The following TLN2 variants were observed in gnomAD, a reference collection of about 807,000 sequenced individuals.
The protein encoded by TLN2 is talin 2, also known as talin-2.
Under a neutral mutation model 294.7 loss-of-function variants are expected in TLN2, and 118 were observed. The ratio of observed to expected loss-of-function variants is 0.40; its 90% CI spans 0.34 to 0.47. The LOEUF (loss-of-function observed/expected upper bound fraction) is 0.47, where lower values mean the gene tolerates loss of function less well. TLN2 is among the 20% of genes least tolerant of loss of function. TLN2 has a pLI of 0.84. For missense variants in TLN2, 3,083 were observed against 3,282.2 expected, an observed-to-expected ratio of 0.94 and a Z score of 1.48; for synonymous variants, 1,431 against 1,304.5, an observed-to-expected ratio of 1.10 and a Z score of -2.09.
chr15:62,534,034 G>C lies in TLN2; in HGVS notation c.-237-55653G>C, dbSNP rs540913054. On this transcript the variant is annotated intron_variant, in intron 1 of 58. Coordinates refer to ENST00000636159, the MANE Select transcript of TLN2 (RefSeq NM_015059.3). ...ATGTTAGTGTGAATATCAGTCACCA[G>C]GGGTTACAATGTGGATTCTGATTCA... is the stretch of plus-strand genomic sequence containing the variant. 1.1e-4 allele frequency among the ~76,000 whole-genome samples: 16 copies of C among 151,326 alleles called. 1 individual carries two copies. The South Asian group carries it at 3.3e-3, about 31-fold the overall frequency.
Position 62,596,264 on chromosome 15 carries a change from C to CAAAAAAA in TLN2, c.-162+6512_-162+6518dup, listed in dbSNP as rs71129015. Among the ~76,000 whole-genome samples, 46 of 81,676 alleles carry CAAAAAAA rather than the reference C, an allele frequency of 5.6e-4. 2 individuals are homozygous for CAAAAAAA. The highest frequency in any genetic ancestry group is 8.9e-3 in the Middle Eastern group (1 of 112). 53.6% of individuals were successfully genotyped at this position (81,676 alleles called of 152,430 possible). ...TGGGCGACAGAGCAAGACTCCATCT[C>CAAAAAAA]AAAAAAAAAAAAAAAAGGTATTCTT... On this transcript the variant is annotated intron_variant, in intron 2 of 58. Transcript: ENST00000636159.
At chr15:62,648,153 G>T (rs918849276) in intron 4 of TLN2, among the ~76,000 whole-genome samples, 1 of 152,074 alleles carries the variant, frequency 6.6e-6, no homozygotes, top group Non-Finnish European at 1.5e-5. Context: ...AAGCATGGTG[G>T]CTCACACCTG....
chr15:62,687,537 C>T (rs995016550), intron 12 of TLN2, among the ~76,000 whole-genome samples: 3 of 152,228 alleles, frequency 2.0e-5, no homozygotes, highest in Non-Finnish European at 4.4e-5. Context: ...TATGCCTTAA[C>T]TATAGCCACA....
chr15:62,455,270 C>T (rs990448994), intron 1 of TLN2, among the ~76,000 whole-genome samples: 5 of 151,836 alleles, frequency 3.3e-5, no homozygotes, highest in East Asian at 2.0e-4. Flanking sequence ...GAGAGGTGCT[C>T]GATGGAGGGG....
At chr15:62,423,707 A>G (rs2034546080) in intron 1 of TLN2, among the ~76,000 whole-genome samples, 1 of 151,980 alleles carries the variant, frequency 6.6e-6, no homozygotes, top group African/African-American at 2.4e-5. Flanking sequence ...CAGCCTCCCA[A>G]GTAGCTGGGA....
rs766423007 is a variant in TLN2, at chr15:62,838,946, G to A, written c.7465G>A (p.Val2489Ile). ...AFGKADDDDV[V>I]VKTKFVGGIA... ...TGGCAAAGCTGATGACGACGATGTT[G>A]TAGTGAAAACCAAGTTTGTGGGGGG... The change falls in exon 58 of 59, where the codon GTA becomes ATA. Residue 2489 changes from valine to isoleucine, a missense_variant. Val to Ile is a conservative substitution (Grantham distance 29). Coordinates refer to ENST00000636159, the MANE Select transcript of TLN2 (RefSeq NM_015059.3). The A allele has an allele frequency of 8.1e-6, 13 of 1,614,228 alleles. 1 individual carries two copies. In the South Asian group the frequency reaches 1.2e-4, roughly 15 times the overall value.
At chr15:62,609,393 T>C (rs2047723502) in intron 2 of TLN2, among the ~76,000 whole-genome samples, 1 of 152,230 alleles carries the variant, frequency 6.6e-6, no homozygotes, top group Non-Finnish European at 1.5e-5. Flanking sequence ...TTTTACCAAA[T>C]GTCCCAGCCA....
At chr15:62,811,517 C>T (rs550514891) in intron 52 of TLN2, among the ~76,000 whole-genome samples, 4 of 152,262 alleles carry the variant, frequency 2.6e-5, no homozygotes, top group African/African-American at 9.6e-5. Flanking sequence ...CTTGTTATAA[C>T]TAAAAATTGG....
intron 9 of TLN2, among the ~76,000 whole-genome samples, chr15:62,663,169 T>C (rs1162938174): frequency 1.3e-5 from 2 of 152,092 alleles, no homozygotes; most frequent in Non-Finnish European, 2.9e-5. Context: ...GTTTTCACAG[T>C]AGAAAATTTG....
chr15:62,803,066 T>C (rs1313631144), intron 50 of TLN2, among the ~76,000 whole-genome samples: 1 of 152,236 alleles, frequency 6.6e-6, no homozygotes, highest in African/African-American at 2.4e-5. Context: ...CTTGATGTAA[T>C]CCCATTTGTC....
intron 31 of TLN2, 130 bp from the exon 32 acceptor site, chr15:62,740,500 G>A (rs1429128468): frequency 2.5e-6 from 3 of 1,222,056 alleles, no homozygotes; most frequent in Non-Finnish European, 3.4e-6. Context: ...GGCATCTGCG[G>A]GCTAACTGGG....
chr15:62,429,948 T>C (rs1337091395), intron 1 of TLN2, among the ~76,000 whole-genome samples: 3 of 152,258 alleles, frequency 2.0e-5, no homozygotes, highest in Non-Finnish European at 2.9e-5. Context: ...ACATAACCGA[T>C]ATAAATGCGG....
rs993967710 is a variant in TLN2 at position 62,742,679 on chromosome 15, C to G, written c.4025+1910C>G. ...TTCTGTCCTGGCTTTTAGCAGTTGACGGAGAATTCCCAGCCTGGTGATTTC... is the reference window on the plus strand; with the variant it reads ...TTCTGTCCTGGCTTTTAGCAGTTGAGGGAGAATTCCCAGCCTGGTGATTTC... On this transcript the variant is annotated intron_variant, in intron 32 of 58. Transcript: ENST00000636159. Among the ~76,000 whole-genome samples the G allele has an allele frequency of 2.6e-5, 4 of 152,224 alleles. No homozygotes were observed. The East Asian group carries it at 7.7e-4, about 29-fold the overall frequency.
At chr15:62,766,614 A>T (rs553332812) in intron 41 of TLN2, among the ~76,000 whole-genome samples, 192 bp downstream of exon 41, 11 of 152,318 alleles carry the variant, frequency 7.2e-5, no homozygotes, top group Non-Finnish European at 1.5e-4. Context: ...TCAGTTCAGG[A>T]TCTATTTTTA....
intron 1 of TLN2, among the ~76,000 whole-genome samples, chr15:62,547,697 T>C (rs1484524555): frequency 6.6e-6 from 1 of 152,234 alleles, no homozygotes; most frequent in Non-Finnish European, 1.5e-5. Flanking sequence ...GGATGTTTAC[T>C]TTTTAGAACA....
At chr15:62,517,670 A>G (rs1219829294) in intron 1 of TLN2, among the ~76,000 whole-genome samples, 5 of 152,174 alleles carry the variant, frequency 3.3e-5, no homozygotes, top group African/African-American at 1.2e-4. Context: ...AGTCAAACAC[A>G]CCGCTAATGT....
At chr15:62,580,695 A>G (rs1184841780) in intron 1 of TLN2, among the ~76,000 whole-genome samples, 3 of 151,682 alleles carry the variant, frequency 2.0e-5, no homozygotes, top group Admixed American at 6.6e-5. Context: ...ATAGGCATGC[A>G]CCACTGCACC....
chr15:62,527,511 T>C (rs2040806346), intron 1 of TLN2, among the ~76,000 whole-genome samples: 1 of 152,184 alleles, frequency 6.6e-6, no homozygotes, highest in East Asian at 1.9e-4. Context: ...GTGACAGCAA[T>C]ATGTCACAGG....
chr15:62,522,657 G>C (rs764245122), intron 1 of TLN2, among the ~76,000 whole-genome samples: 1 of 151,996 alleles, frequency 6.6e-6, no homozygotes, highest in African/African-American at 2.4e-5. Flanking sequence ...AACCCCCGAG[G>C]CTTTCTAAGA....
Sources: allele counts gnomAD v4.1 joint callset (sites outside exome capture counted in the v4.1 genomes callset), GRCh38; gene constraint gnomAD v4.1.1; transcripts MANE v1.5; gene names NCBI Gene and HGNC (gene_info 2026-07-23, HGNC 2026-07-21).